Variants in CADPS observed in about 807,000 individuals in gnomAD.
CADPS encodes the protein calcium-dependent secretion activator 1.
A neutral mutation model predicts 167.3 loss-of-function variants in CADPS; 57 were observed. That is an observed-to-expected ratio of 0.34 (90% CI 0.28 to 0.42). CADPS has a LOEUF of 0.42. Among genes scored for constraint, CADPS ranks in the 20% least tolerant of loss-of-function variants. CADPS has a pLI of 1.00. For synonymous variants in CADPS, 676 were observed against 635.3 expected (o/e 1.06, Z -0.96); for missense variants, 1,414 against 1,738.1 (o/e 0.81, Z 3.32).
intron 17 of CADPS, among the ~76,000 whole-genome samples, chr3:62,506,737 T>A (rs2066757269): frequency 6.6e-6 from 1 of 152,190 alleles, no homozygotes; most frequent in Non-Finnish European, 1.5e-5. Context: ...TAGTACCTCA[T>A]ACCATCATGG....
At chr3:62,637,619 A>G (rs2066562618) in intron 6 of CADPS, among the ~76,000 whole-genome samples, 1 of 152,206 alleles carries the variant, frequency 6.6e-6, no homozygotes, top group South Asian at 2.1e-4. Flanking sequence ...AAACAACCGA[A>G]TTTATGGAAA....
At chr3:62,613,722 CA>C (rs2061832663) in intron 6 of CADPS, among the ~76,000 whole-genome samples, 1 of 152,072 alleles carries the variant, frequency 6.6e-6, no homozygotes, top group African/African-American at 2.4e-5. Context: ...ATGTTGAGAC[CA>C]GGGGTATCAT....
At chr3:62,738,618 T>C (rs483828) in intron 3 of CADPS, among the ~76,000 whole-genome samples, 62,051 of 151,796 alleles carry the variant, frequency 0.41, 13,019 homozygotes, top group South Asian at 0.49. Context: ...CCTAGCTACT[T>C]GGGAGCCTGA....
intron 13 of CADPS, among the ~76,000 whole-genome samples, chr3:62,519,522 C>A (rs1054628067): frequency 6.6e-6 from 1 of 152,128 alleles, no homozygotes; most frequent in African/African-American, 2.4e-5. Flanking sequence ...CTGTTCAGTC[C>A]ATTTCTTCAT....
chr3:62,599,462 G>A (rs1323880809), intron 6 of CADPS, among the ~76,000 whole-genome samples: 1 of 121,834 alleles, frequency 8.2e-6, no homozygotes, highest in Non-Finnish European at 1.6e-5. Context: ...CATTAAATGA[G>A]AGTGCTTTAC....
At chr3:62,697,544 G>T (rs577428008) in intron 3 of CADPS, among the ~76,000 whole-genome samples, 1 of 152,046 alleles carries the variant, frequency 6.6e-6, no homozygotes. Flanking sequence ...TTTTGCAGTT[G>T]TGGATCATGC....
chr3:62,730,408 G>A (rs1038025524), intron 3 of CADPS, among the ~76,000 whole-genome samples: 2 of 152,176 alleles, frequency 1.3e-5, no homozygotes, highest in African/African-American at 4.8e-5. Context: ...TTATCCAGCT[G>A]AAAGATTTGG....
At chr3:62,626,744 T>C (rs1451148661) in intron 6 of CADPS, among the ~76,000 whole-genome samples, 1 of 152,214 alleles carries the variant, frequency 6.6e-6, no homozygotes, top group African/African-American at 2.4e-5. Flanking sequence ...GGCTACTCTA[T>C]ATTTACAATC....
chr3:62,793,983 C>CA (rs1376421023), intron 1 of CADPS, among the ~76,000 whole-genome samples: 4 of 152,100 alleles, frequency 2.6e-5, no homozygotes, highest in African/African-American at 9.7e-5. Flanking sequence ...CTTGGGCTTC[C>CA]AACTCAATTA....
intron 11 of CADPS, among the ~76,000 whole-genome samples, chr3:62,548,145 G>T (rs1344202976): frequency 6.6e-6 from 1 of 152,042 alleles, no homozygotes; most frequent in Non-Finnish European, 1.5e-5. Flanking sequence ...AAGAGGTTAC[G>T]ATAGGATGTG....
intron 1 of CADPS, among the ~76,000 whole-genome samples, chr3:62,800,257 C>T (rs78798282): frequency 2.7e-3 from 412 of 152,144 alleles, no homozygotes; most frequent in African/African-American, 9.6e-3. Flanking sequence ...AATTGTACAC[C>T]CTTCTCAGTT....
intron 13 of CADPS, among the ~76,000 whole-genome samples, chr3:62,525,776 A>G (rs539199156): frequency 2.5e-4 from 38 of 152,104 alleles, no homozygotes; most frequent in African/African-American, 9.2e-4. Context: ...GAGTGAAAGA[A>G]AAAAATGTGT....
chr3:62,574,616 A>G (rs564166859), intron 8 of CADPS, among the ~76,000 whole-genome samples: 1 of 152,344 alleles, frequency 6.6e-6, no homozygotes, highest in African/African-American at 2.4e-5. Flanking sequence ...AATAGACATA[A>G]GAGGGAGGTT....
chr3:62,715,087 A>C (rs1045900033), intron 3 of CADPS, among the ~76,000 whole-genome samples: 1 of 152,226 alleles, frequency 6.6e-6, no homozygotes, highest in Non-Finnish European at 1.5e-5. Context: ...TTCAAGATAC[A>C]TGCTGAAATA....
At chr3:62,755,561 C>T (rs1049457955) in intron 2 of CADPS, among the ~76,000 whole-genome samples, 3 of 152,194 alleles carry the variant, frequency 2.0e-5, no homozygotes, top group Non-Finnish European at 4.4e-5. Flanking sequence ...GGGGGCATCT[C>T]ATTGCCTCAT....
chr3:62,669,481 T>C (rs2075128742), intron 3 of CADPS, among the ~76,000 whole-genome samples: 1 of 152,190 alleles, frequency 6.6e-6, no homozygotes, highest in Non-Finnish European at 1.5e-5. Context: ...GTGGCTGTTT[T>C]TGCCGCATTC....
chr3:62,866,085 T>A (rs1307329473), intron 1 of CADPS, among the ~76,000 whole-genome samples: 1 of 152,178 alleles, frequency 6.6e-6, no homozygotes, highest in Non-Finnish European at 1.5e-5. Context: ...AAACACACAC[T>A]ATGGTGATTC....
chr3:62,793,714 A>T (rs187816304), intron 1 of CADPS, among the ~76,000 whole-genome samples: 155 of 152,300 alleles, frequency 1.0e-3, no homozygotes, highest in Admixed American at 1.1e-3. Context: ...CAATTTTTTT[A>T]AAAATTGAAA....
chr3:62,613,364 G>A (rs1291359953), intron 6 of CADPS, among the ~76,000 whole-genome samples: 2 of 152,146 alleles, frequency 1.3e-5, no homozygotes, highest in Admixed American at 6.5e-5. Context: ...AGCATTGGCA[G>A]TTTAGTTAGC....
Sources: gnomAD v4.1 joint callset for allele counts (sites outside exome capture counted in the v4.1 genomes callset) on GRCh38, gnomAD v4.1.1 for gene constraint, MANE v1.5 for transcripts, NCBI Gene and HGNC (gene_info 2026-07-23, HGNC 2026-07-21) for gene names.